The following L3MBTL4 variants were observed in gnomAD, a reference collection of about 807,000 sequenced individuals.
L3MBTL4 encodes the protein lethal(3)malignant brain tumor-like protein 4.
L3MBTL4 carries 70 observed loss-of-function variants against 84.5 expected under a neutral mutation model. The observed-to-expected ratio is 0.83, with a 90% CI of 0.68 to 1.01. L3MBTL4 has a LOEUF of 1.01. L3MBTL4 is among the 50% of genes least tolerant of loss of function. The pLI is 0.00. For missense variants in L3MBTL4, 715 were observed against 754.8 expected, an observed-to-expected ratio of 0.95 and a Z score of 0.62; for synonymous variants, 274 against 259.8, an observed-to-expected ratio of 1.05 and a Z score of -0.52.
intron 14 of L3MBTL4, among the ~76,000 whole-genome samples, chr18:6,129,028 G>A (rs2059790400): frequency 6.6e-6 from 1 of 152,082 alleles, no homozygotes; most frequent in Non-Finnish European, 1.5e-5. Context: ...ACAAGCAGGA[G>A]GATGGCTGAG....
At chr18:5,964,053 C>A (rs764928085) in intron 17 of L3MBTL4, among the ~76,000 whole-genome samples, 1 of 152,228 alleles carries the variant, frequency 6.6e-6, no homozygotes, top group African/African-American at 2.4e-5. Flanking sequence ...GGCATGGGGG[C>A]TGCCATGTGG....
chr18:6,079,127 A>C (rs2057979077), intron 16 of L3MBTL4, among the ~76,000 whole-genome samples: 1 of 152,110 alleles, frequency 6.6e-6, no homozygotes, highest in South Asian at 2.1e-4. Flanking sequence ...CCCAGTTCCT[A>C]ACAGGCTACA....
intron 16 of L3MBTL4, among the ~76,000 whole-genome samples, chr18:5,978,305 T>C (rs1052853739): frequency 3.9e-5 from 6 of 152,314 alleles, no homozygotes; most frequent in Non-Finnish European, 8.8e-5. Context: ...GGAAAATCCA[T>C]AGTAACTTTT....
intron 15 of L3MBTL4, among the ~76,000 whole-genome samples, chr18:6,082,934 T>C (rs921317745): frequency 1.7e-4 from 26 of 152,148 alleles, no homozygotes; most frequent in Non-Finnish European, 3.2e-4. Flanking sequence ...ACTCCTAGCC[T>C]TTTCATTTCC....
At chr18:6,297,122 G>T (rs138033077) in intron 4 of L3MBTL4, among the ~76,000 whole-genome samples, 73 of 152,252 alleles carry the variant, frequency 4.8e-4, no homozygotes, top group African/African-American at 1.7e-3. Flanking sequence ...ATGAGGCGCT[G>T]GTGAGCTACA....
rs2053245689 is a variant in L3MBTL4 at position 5,981,985 on chromosome 18, T to TGTGG, written c.1445-12424_1445-12423insCCAC. 3.1e-5 allele frequency among the ~76,000 whole-genome samples: 4 copies of TGTGG among 130,270 alleles called. No individual in the cohort carries two copies. The South Asian group carries it at 1.0e-3, about 34-fold the overall frequency. 85.5% of individuals were successfully genotyped at this position (130,270 alleles called of 152,430 possible). On this transcript the variant is annotated intron_variant, in intron 16 of 18. Coordinates refer to ENST00000317931, the MANE Select transcript of L3MBTL4 (RefSeq NM_001330559.2). ...AAGGTTTCAATATTCTGTGTGTGTGTGTGTGTGTGTGTGTGTGTGTGTGTT... is the reference window on the plus strand; with the variant it reads ...AAGGTTTCAATATTCTGTGTGTGTGTGTGGGTGTGTGTGTGTGTGTGTGTGTGTT...
chr18:6,217,902 G>A (rs1466252452), intron 10 of L3MBTL4, among the ~76,000 whole-genome samples: 1 of 151,970 alleles, frequency 6.6e-6, no homozygotes, highest in Non-Finnish European at 1.5e-5. Context: ...TTTTGTTCCA[G>A]ACATATCTAT....
intron 13 of L3MBTL4, among the ~76,000 whole-genome samples, chr18:6,151,171 T>C (rs1388071206): frequency 6.6e-6 from 1 of 152,208 alleles, no homozygotes; most frequent in Non-Finnish European, 1.5e-5. Context: ...GTGAATCATT[T>C]ATGTGTTCCC....
At chr18:6,103,847 G>A (rs759846185) in intron 14 of L3MBTL4, among the ~76,000 whole-genome samples, 9 of 152,194 alleles carry the variant, frequency 5.9e-5, no homozygotes, top group Non-Finnish European at 1.0e-4. Context: ...TATGCACTGA[G>A]ATTAGAAGTG....
intron 1 of L3MBTL4, among the ~76,000 whole-genome samples, chr18:6,400,854 CCTGTTACAGACCTCAGGTGCTGACCA>C (rs2055481525): frequency 6.6e-6 from 1 of 152,166 alleles, no homozygotes; most frequent in Admixed American, 6.5e-5. Flanking sequence ...AGACAAGCCA[CCTGTTACAGACCTCAGGTGCTGACCA>C]CGGGCAGAGC....
intron 1 of L3MBTL4, among the ~76,000 whole-genome samples, chr18:6,345,005 CA>C (rs1449693718): frequency 2.0e-5 from 3 of 151,288 alleles, no homozygotes; most frequent in South Asian, 4.2e-4. Context: ...AAAAGAAAAA[CA>C]AAAAAAGGCA....
In L3MBTL4 at chr18:6,016,846, T is replaced by G. The variant is rs116670238; in HGVS notation, c.1445-47284A>C. Among the ~76,000 whole-genome samples, 513 of 152,216 alleles carry G rather than the reference T, an allele frequency of 3.4e-3. 5 individuals are homozygous for G. The highest frequency in any genetic ancestry group is 0.012 in the African/African-American group (502 of 41,536). On this transcript the variant is annotated intron_variant, in intron 16 of 18. Coordinates refer to ENST00000317931, the MANE Select transcript of L3MBTL4 (RefSeq NM_001330559.2). ...ACCTGAAGGGTGAAGAGCCAAGTGG[T>G]GGGCAGAGGGCAGGGGTGCAGCAGG...
intron 16 of L3MBTL4, among the ~76,000 whole-genome samples, chr18:5,999,139 G>A (rs1009229232): frequency 1.3e-5 from 2 of 152,186 alleles, no homozygotes; most frequent in Non-Finnish European, 2.9e-5. Flanking sequence ...CTGGTGTAGT[G>A]CAGCCAGATA....
At chr18:6,128,218 G>A (rs2059766108) in intron 14 of L3MBTL4, among the ~76,000 whole-genome samples, 1 of 151,784 alleles carries the variant, frequency 6.6e-6, no homozygotes, top group Non-Finnish European at 1.5e-5. Context: ...TCAACTGAAG[G>A]ATTAGAAGAC....
At chr18:6,012,391 T>C (rs945007071) in intron 16 of L3MBTL4, among the ~76,000 whole-genome samples, 4 of 152,208 alleles carry the variant, frequency 2.6e-5, no homozygotes, top group Non-Finnish European at 4.4e-5. Context: ...ACTGCAGGTT[T>C]CAAATCTCTG....
chr18:6,329,241 C>T (rs2051894282), intron 1 of L3MBTL4, among the ~76,000 whole-genome samples: 1 of 150,594 alleles, frequency 6.6e-6, no homozygotes, highest in African/African-American at 2.4e-5. Flanking sequence ...GCAAGCTCCG[C>T]CTCCTGGGTT....
chr18:6,258,113 G>A (rs1405168038), intron 5 of L3MBTL4, among the ~76,000 whole-genome samples: 1 of 152,194 alleles, frequency 6.6e-6, no homozygotes, highest in Non-Finnish European at 1.5e-5. Flanking sequence ...GAAAGAGGCA[G>A]GAAGAGGTGT....
At chr18:6,308,237 C>T (rs2050678969) in intron 3 of L3MBTL4, among the ~76,000 whole-genome samples, 1 of 152,064 alleles carries the variant, frequency 6.6e-6, no homozygotes, top group Non-Finnish European at 1.5e-5. Flanking sequence ...ACTACAGGGA[C>T]CAGATCATAA....
intron 16 of L3MBTL4, among the ~76,000 whole-genome samples, chr18:5,987,586 T>A (rs1429013024): frequency 6.6e-6 from 1 of 152,200 alleles, no homozygotes; most frequent in Non-Finnish European, 1.5e-5. Context: ...GCTCCTCCCC[T>A]CTCCACCTTT....
Sources: allele counts gnomAD v4.1 joint callset (sites outside exome capture counted in the v4.1 genomes callset), GRCh38; gene constraint gnomAD v4.1.1; transcripts MANE v1.5; gene names NCBI Gene and HGNC (gene_info 2026-07-23, HGNC 2026-07-21).